The following NFAT5 variants were observed in gnomAD, a reference collection of about 807,000 sequenced individuals.
NFAT5 encodes the protein nuclear factor of activated T cells 5.
A neutral mutation model predicts 166.5 loss-of-function variants in NFAT5; 31 were observed. That is an observed-to-expected ratio of 0.19 (90% CI 0.14 to 0.25). The LOEUF is 0.25. Ranked by LOEUF, NFAT5 falls within the 10% of genes least tolerant of loss-of-function variation. NFAT5 has a pLI of 1.00. For synonymous variants in NFAT5, 612 were observed against 639.7 expected, an observed-to-expected ratio of 0.96 and a Z score of 0.65; for missense variants, 1,449 against 1,821.8, an observed-to-expected ratio of 0.80 and a Z score of 3.72.
At chr16:69,576,050 C>T (rs2016727424) in intron 2 of NFAT5, among the ~76,000 whole-genome samples, 1 of 151,772 alleles carries the variant, frequency 6.6e-6, no homozygotes. Context: ...CGCCTGTAAT[C>T]CCAGCACTTT....
chr16:69,571,513 TA>T (rs1289090805), intron 2 of NFAT5, among the ~76,000 whole-genome samples: 2 of 152,146 alleles, frequency 1.3e-5, no homozygotes, highest in Admixed American at 1.3e-4. Flanking sequence ...TGTGCTGTAC[TA>T]ACTCCCAATG....
rs531151605 is a variant in NFAT5 at position 69,691,982 on chromosome 16, C to A, written c.2157C>A (p.Ser719Arg). Residue 719 changes from serine (S) to arginine (R), a missense_variant, in exon 13 of 15, where the codon AGC (serine) becomes AGA (arginine). By Grantham distance (110) the Ser-to-Arg change is moderately radical (BLOSUM62 -1). Transcript: ENST00000349945. ...CTGCTTCTAGTCAGCTGCCCAACAG[C>A]GATGCACTATTGCAGCAGGCTACAC... ...AVSASSQLPN[S>R]DALLQQATQF... The A allele has an allele frequency of 1.2e-5, 20 of 1,613,964 alleles. No individual in the cohort carries two copies. The Admixed American group carries it at 2.5e-4, about 20-fold the overall frequency.
At chr16:69,602,037 A>G (rs2033157678) in intron 2 of NFAT5, among the ~76,000 whole-genome samples, 1 of 152,234 alleles carries the variant, frequency 6.6e-6, no homozygotes, top group Non-Finnish European at 1.5e-5. Context: ...TTGGATTCAC[A>G]TCTTTGCTCT....
At chr16:69,574,146 C>T (rs1478769335) in intron 2 of NFAT5, among the ~76,000 whole-genome samples, 2 of 152,140 alleles carry the variant, frequency 1.3e-5, no homozygotes, top group Non-Finnish European at 2.9e-5. Context: ...GCTGGGATTA[C>T]AGGCGTGAGC....
At chr16:69,679,505 C>T (rs1317265622) in intron 10 of NFAT5, among the ~76,000 whole-genome samples, 2 of 151,778 alleles carry the variant, frequency 1.3e-5, no homozygotes, top group African/African-American at 2.4e-5. Context: ...TACCCAGCTA[C>T]GTGGGAGGCT....
intron 2 of NFAT5, among the ~76,000 whole-genome samples, chr16:69,578,323 C>G (rs1333064062): frequency 6.6e-6 from 1 of 152,090 alleles, no homozygotes; most frequent in Non-Finnish European, 1.5e-5. Context: ...TTTTTGGTCC[C>G]TTACAAGTGA....
intron 10 of NFAT5, among the ~76,000 whole-genome samples, chr16:69,683,209 C>A (rs931702831): frequency 4.0e-5 from 6 of 151,470 alleles, no homozygotes; most frequent in Non-Finnish European, 8.8e-5. Flanking sequence ...GAAACTCCGT[C>A]TCAAAAGAAA....
At chr16:69,638,755 G>T (rs1159183897) in intron 3 of NFAT5, among the ~76,000 whole-genome samples, 2 of 139,462 alleles carry the variant, frequency 1.4e-5, no homozygotes, top group Admixed American at 7.0e-5. Flanking sequence ...AAAAAAAAAA[G>T]TAAAAACATT....
At chr16:69,589,908 G>A (rs1458023562) in intron 2 of NFAT5, among the ~76,000 whole-genome samples, 2 of 152,080 alleles carry the variant, frequency 1.3e-5, no homozygotes, top group African/African-American at 2.4e-5. Context: ...TGTGATCCCA[G>A]CACTTTGGGA....
At chr16:69,661,464 G>A (rs1005190431) in intron 7 of NFAT5, among the ~76,000 whole-genome samples, 9 of 138,400 alleles carry the variant, frequency 6.5e-5, no homozygotes, top group Non-Finnish European at 1.1e-4. Flanking sequence ...GATCACTTGA[G>A]CCCAGGAGTT....
chr16:69,668,263 C>T (rs1435137128), intron 7 of NFAT5, among the ~76,000 whole-genome samples: 2 of 152,222 alleles, frequency 1.3e-5, no homozygotes, highest in African/African-American at 4.8e-5. Context: ...ATTGGGATTA[C>T]AGGCGTGAGC....
chr16:69,576,905 G>A (rs186894108), intron 2 of NFAT5, among the ~76,000 whole-genome samples: 7 of 152,214 alleles, frequency 4.6e-5, no homozygotes, highest in Admixed American at 2.0e-4. Context: ...TGAAGGTGCC[G>A]TGGGGCTCTT....
intron 2 of NFAT5, among the ~76,000 whole-genome samples, chr16:69,578,098 T>C (rs1451711001): frequency 6.6e-6 from 1 of 152,142 alleles, no homozygotes; most frequent in Non-Finnish European, 1.5e-5. Flanking sequence ...AGCACTTACA[T>C]TGTATTAGGT....
intron 2 of NFAT5, among the ~76,000 whole-genome samples, chr16:69,589,251 C>T (rs751464273): frequency 6.6e-6 from 1 of 152,158 alleles, no homozygotes; most frequent in Non-Finnish European, 1.5e-5. Context: ...ACTGCAGCCT[C>T]CCAAAGTGCT....
intron 3 of NFAT5, chr16:69,646,395 G>A: frequency 3.4e-6 from 1 of 295,266 alleles, no homozygotes; most frequent in Non-Finnish European, 6.2e-6. Context: ...GACAATACCA[G>A]TTCCATTTTG....
At chr16:69,588,977 CTTCTTTTTT>C (rs2032279866) in intron 2 of NFAT5, among the ~76,000 whole-genome samples, 1 of 78,566 alleles carries the variant, frequency 1.3e-5, no homozygotes, top group African/African-American at 4.3e-5. Flanking sequence ...TCTTTTCCTA[CTTCTTTTTT>C]TTTTTTTTTT....
rs184243093 is a variant in NFAT5, at chr16:69,634,685, G to A, written c.253+8157G>A. Among the ~76,000 whole-genome samples, 26 of 152,236 alleles carry A rather than the reference G, an allele frequency of 1.7e-4. 1 individual carries two copies. The East Asian group carries it at 2.3e-3, about 14-fold the overall frequency. ...ACCAGGTCTATACAGCCATTCTCTA[G>A]ATCAAACTTACTTACAAACACACAC... On this transcript the variant is annotated intron_variant, in intron 3 of 14. Coordinates refer to ENST00000349945, the MANE Select transcript of NFAT5 (RefSeq NM_138713.4).
In NFAT5 at chr16:69,681,131, TATG is replaced by T. The variant is rs2037042409; in HGVS notation, c.1691-3753_1691-3751del. Among the ~76,000 whole-genome samples the T allele has an allele frequency of 2.0e-5, 3 of 152,288 alleles. No individual in the cohort carries two copies. In the South Asian group the frequency reaches 6.2e-4, roughly 32 times the overall value. On this transcript the variant is annotated intron_variant, in intron 10 of 14. Transcript: ENST00000349945. ...GTGTCTTGGAAGCCATGAGAGAGAA[TATG>T]ATTTCAGGAAAACTTGGGCACAGAG... is the stretch of plus-strand genomic sequence containing the variant.
intron 10 of NFAT5, among the ~76,000 whole-genome samples, chr16:69,682,426 A>C (rs979866900): frequency 2.1e-5 from 3 of 145,732 alleles, no homozygotes; most frequent in African/African-American, 7.7e-5. Flanking sequence ...TGGGCGATAT[A>C]GTGAGACCCC....
Sources: gnomAD v4.1 joint callset for allele counts (sites outside exome capture counted in the v4.1 genomes callset) on GRCh38, gnomAD v4.1.1 for gene constraint, MANE v1.5 for transcripts, NCBI Gene and HGNC (gene_info 2026-07-23, HGNC 2026-07-21) for gene names.